The following MTUS2 variants were observed in gnomAD, a reference collection of about 807,000 sequenced individuals.
The protein encoded by MTUS2 is microtubule-associated tumor suppressor candidate 2.
MTUS2 carries 40 observed loss-of-function variants against 114.1 expected under a neutral mutation model. The ratio of observed to expected loss-of-function variants is 0.35; its 90% CI spans 0.27 to 0.46. The LOEUF (loss-of-function observed/expected upper bound fraction) is 0.46, where lower values mean the gene tolerates loss of function less well. MTUS2 is among the 20% of genes least tolerant of loss of function. MTUS2 has a pLI of 1.00. For missense variants in MTUS2, 1,679 were observed against 1,705.4 expected (o/e 0.98, Z 0.27); for synonymous variants, 688 against 672.0 (o/e 1.02, Z -0.37).
At chr13:29,497,621 A>C (rs1593520627) in intron 13 of MTUS2, 6 of 432,028 alleles carry the variant, frequency 1.4e-5, no homozygotes, top group South Asian at 2.9e-5. Flanking sequence ...TGGTCTGGAA[A>C]CCCCCCTCCG....
intron 5 of MTUS2, among the ~76,000 whole-genome samples, chr13:29,116,633 G>T (rs140681925): frequency 6.2e-4 from 94 of 152,196 alleles, no homozygotes; most frequent in African/African-American, 2.2e-3. Flanking sequence ...ATGCCAGCCC[G>T]TCACTCTTCT....
chr13:29,136,104 G>A (rs1891966533), intron 5 of MTUS2, among the ~76,000 whole-genome samples: 1 of 152,162 alleles, frequency 6.6e-6, no homozygotes, highest in African/African-American at 2.4e-5. Flanking sequence ...CCTTTACTGA[G>A]ATCTTTATTT....
intron 5 of MTUS2, among the ~76,000 whole-genome samples, chr13:29,236,388 C>T (rs1896536247): frequency 6.6e-6 from 1 of 152,080 alleles, no homozygotes; most frequent in African/African-American, 2.4e-5. Context: ...ATTCTGACCC[C>T]AGTCAGTCAA....
At chr13:29,325,791 G>A (rs1349771288) in intron 7 of MTUS2, among the ~76,000 whole-genome samples, 2 of 152,192 alleles carry the variant, frequency 1.3e-5, no homozygotes, top group Non-Finnish European at 2.9e-5. Flanking sequence ...CTGTGAGACA[G>A]GTTGTATTAT....
At chr13:28,936,634 T>C (rs1593314129) in intron 2 of MTUS2, among the ~76,000 whole-genome samples, 1 of 152,146 alleles carries the variant, frequency 6.6e-6, no homozygotes, top group East Asian at 1.9e-4. Context: ...GGAGAATCTG[T>C]CCTGTCTGGC....
chr13:29,497,112 A>G (rs1882598076), intron 12 of MTUS2, 126 bp from the exon 13 acceptor site: 1 of 787,724 alleles, frequency 1.3e-6, no homozygotes, highest in Non-Finnish European at 2.1e-6. Context: ...CTCTTTCTTC[A>G]GCCCCAAGGG....
At chr13:28,959,172 C>G (rs1883205915) in intron 2 of MTUS2, among the ~76,000 whole-genome samples, 1 of 152,156 alleles carries the variant, frequency 6.6e-6, no homozygotes. Flanking sequence ...AGCCAGAAGA[C>G]CAGGAAAGGA....
chr13:29,230,239 C>G (rs1896273230), intron 5 of MTUS2, among the ~76,000 whole-genome samples: 1 of 152,062 alleles, frequency 6.6e-6, no homozygotes, highest in African/African-American at 2.4e-5. Context: ...GAGCAAGACT[C>G]CGTCTCAAAA....
rs1886516597 is a variant in MTUS2 at position 29,025,911 on chromosome 13, G to A, written c.1213G>A (p.Gly405Arg). ...TPKQGSASLG[G>R]ADNQPTGKIS... ...CAAACAGGGCTCTGCTTCCTTAGGA[G>A]GGGCTGATAATCAGCCCACTGGCAA... Residue 405 changes from glycine (G) to arginine (R), a missense_variant, in exon 3 of 16, where the codon GGG becomes AGG. Transcript: ENST00000612955. The A allele has an allele frequency of 3.1e-6, 5 of 1,613,786 alleles. No homozygotes were observed. Among genetic ancestry groups the A allele is most frequent in the Middle Eastern group, 3.3e-4 (2 of 6,062 alleles).
At chr13:29,218,741 G>C (rs1318850915) in intron 5 of MTUS2, among the ~76,000 whole-genome samples, 1 of 152,050 alleles carries the variant, frequency 6.6e-6, no homozygotes, top group Non-Finnish European at 1.5e-5. Context: ...TATTTTGAGA[G>C]GAATCTTTTC....
At chr13:29,160,588 G>A (rs1232662256) in intron 5 of MTUS2, among the ~76,000 whole-genome samples, 1 of 152,068 alleles carries the variant, frequency 6.6e-6, no homozygotes, top group Non-Finnish European at 1.5e-5. Context: ...GGCTAACATG[G>A]CAAAACCCTG....
chr13:29,272,567 G>C (rs1289553205), intron 5 of MTUS2, among the ~76,000 whole-genome samples: 1 of 152,166 alleles, frequency 6.6e-6, no homozygotes, highest in East Asian at 1.9e-4. Context: ...CACTGAATAT[G>C]GATCAGAAGC....
At chr13:29,142,430 G>T (rs150774418) in intron 5 of MTUS2, among the ~76,000 whole-genome samples, 2 of 152,272 alleles carry the variant, frequency 1.3e-5, no homozygotes, top group Admixed American at 1.3e-4. Flanking sequence ...GAGACTGGGC[G>T]TGGTGGCTCA....
At chr13:28,944,409 G>A (rs1882409881) in intron 2 of MTUS2, among the ~76,000 whole-genome samples, 1 of 151,988 alleles carries the variant, frequency 6.6e-6, no homozygotes, top group African/African-American at 2.4e-5. Context: ...TGGTGTCAGG[G>A]TAACTTCTGT....
intron 8 of MTUS2, among the ~76,000 whole-genome samples, chr13:29,360,185 A>G (rs1389362814): frequency 2.6e-5 from 4 of 152,168 alleles, no homozygotes; most frequent in Admixed American, 6.5e-5. Context: ...TGCTTGGGGG[A>G]GAAAAAGCAT....
chr13:28,917,961 A>G (rs1463306465), intron 2 of MTUS2, among the ~76,000 whole-genome samples: 1 of 151,732 alleles, frequency 6.6e-6, no homozygotes, highest in African/African-American at 2.4e-5. Context: ...TTTCCTTCTT[A>G]ATTTCTTCAC....
At chr13:29,418,869 C>T (rs1875871540) in intron 8 of MTUS2, among the ~76,000 whole-genome samples, 1 of 152,210 alleles carries the variant, frequency 6.6e-6, no homozygotes, top group African/African-American at 2.4e-5. Context: ...TCTCTCTCAG[C>T]TTTTGAATCC....
intron 8 of MTUS2, among the ~76,000 whole-genome samples, chr13:29,428,367 C>T (rs2138627533): frequency 6.6e-6 from 1 of 152,392 alleles, no homozygotes; most frequent in South Asian, 2.1e-4. Context: ...GAAGCCCAGG[C>T]TCGCCTTTTG....
chr13:29,096,932 G>T (rs900517052), intron 4 of MTUS2, among the ~76,000 whole-genome samples: 1 of 152,124 alleles, frequency 6.6e-6, no homozygotes, highest in Non-Finnish European at 1.5e-5. Flanking sequence ...TGCTGTGCCT[G>T]GGGTAGTACC....
Sources: allele counts gnomAD v4.1 joint callset (sites outside exome capture counted in the v4.1 genomes callset), GRCh38; gene constraint gnomAD v4.1.1; transcripts MANE v1.5; gene names NCBI Gene and HGNC (gene_info 2026-07-23, HGNC 2026-07-21).